Variants in BOK observed in about 807,000 individuals in gnomAD.
The protein encoded by BOK is bcl-2-related ovarian killer protein.
In BOK, 20 loss-of-function variants were observed where a neutral mutation model predicts 18.3. The ratio of observed to expected loss-of-function variants is 1.09; its 90% CI spans 0.77 to 1.59. The LOEUF is 1.59. Among genes scored for constraint, BOK ranks in the 40% most tolerant of loss-of-function variants. BOK has a pLI of 0.00. For synonymous variants in BOK, 173 were observed against 142.4 expected, an observed-to-expected ratio of 1.21 and a Z score of -1.53; for missense variants, 348 against 307.9, an observed-to-expected ratio of 1.13 and a Z score of -0.97.
At chr2:241,571,386 G>A (rs1375984367) in intron 4 of BOK, among the ~76,000 whole-genome samples, 2 of 148,236 alleles carry the variant, frequency 1.3e-5, no homozygotes, top group African/African-American at 2.4e-5. Context: ...CTGTACAGCG[G>A]GTGTTGGCCT....
intron 1 of BOK, among the ~76,000 whole-genome samples, chr2:241,552,809 C>T (rs539534478): frequency 1.7e-4 from 26 of 152,354 alleles, no homozygotes; most frequent in African/African-American, 6.0e-4. Flanking sequence ...TGGGAAGAAG[C>T]CATGGCTCCG....
At chr2:241,565,906 A>T in intron 3 of BOK, among the ~76,000 whole-genome samples, 1 of 152,284 alleles carries the variant, frequency 6.6e-6, no homozygotes, top group South Asian at 2.1e-4. Flanking sequence ...AATAGTGTTT[A>T]TTTTTTTCTT....
At chr2:241,568,211 C>T (rs2066646042) in intron 3 of BOK, among the ~76,000 whole-genome samples, 1 of 152,200 alleles carries the variant, frequency 6.6e-6, no homozygotes, top group Admixed American at 6.5e-5. Context: ...AGCTCCGCCT[C>T]CTGGGTTCAC....
At chr2:241,571,067 C>T (rs1348538767) in intron 4 of BOK, among the ~76,000 whole-genome samples, 1 of 150,852 alleles carries the variant, frequency 6.6e-6, no homozygotes, top group Non-Finnish European at 1.5e-5. Flanking sequence ...GTCACCTGAG[C>T]ACTCCTGGGG....
upstream of BOK, among the ~76,000 whole-genome samples, chr2:241,557,057 G>T (rs2066458262): frequency 6.6e-6 from 1 of 152,060 alleles, no homozygotes; most frequent in Non-Finnish European, 1.5e-5. Flanking sequence ...TATCTACAGT[G>T]ATGTCCTCTT....
rs1330809239 is a variant in BOK at position 241,568,686 on chromosome 2, G to A, written c.350-1439G>A. Among the ~76,000 whole-genome samples the A allele has an allele frequency of 5.9e-5, 9 of 152,322 alleles. No homozygotes were observed. The East Asian group carries it at 1.7e-3, about 29-fold the overall frequency. On this transcript the variant is annotated intron_variant, in intron 3 of 4. Transcript: ENST00000318407. ...GCCCACCTCGGCCTTCCAAGGTGCT[G>A]GGATTATAGGCGTGAGCCACTGTGC... is the stretch of plus-strand genomic sequence containing the variant.
rs143892821 is a variant in BOK, at chr2:241,563,377, G to A, written c.349+901G>A. 4.9e-3 allele frequency among the ~76,000 whole-genome samples: 745 copies of A among 152,314 alleles called. 4 individuals are homozygous for A. Among genetic ancestry groups the A allele is most frequent in the Non-Finnish European group, 6.8e-3 (462 of 68,024 alleles). ...ACCTTGGGTCCTGTCCTGGCACCCC[G>A]TGCTATGAGCTGCCCCTGGGTGTGG... On this transcript the variant is annotated intron_variant, in intron 3 of 4. Transcript: ENST00000318407.
At chr2:241,559,190 T>C (rs2066484357) in intron 1 of BOK, among the ~76,000 whole-genome samples, 197 bp downstream of exon 1, 1 of 151,528 alleles carries the variant, frequency 6.6e-6, no homozygotes, top group Admixed American at 6.6e-5. Flanking sequence ...CGCACTCGTC[T>C]TCGAGGGCGG....
At chr2:241,555,378 A>ATT (rs11382322), upstream of BOK, among the ~76,000 whole-genome samples, 18,450 of 139,000 alleles carry the variant, frequency 0.13, 1,335 homozygotes, top group South Asian at 0.19. Flanking sequence ...CACTGAGGTC[A>ATT]TTTTTTTTTT....
At position 241,562,495 on chromosome 2, in the gene BOK, T is replaced by A; in HGVS notation, c.349+19T>A. The A allele has an allele frequency of 6.3e-7, 1 of 1,598,244 alleles. No individual in the cohort carries two copies. The highest frequency in any genetic ancestry group is 8.5e-7 in the Non-Finnish European group (1 of 1,173,744). The stretch of plus-strand genomic sequence containing the variant: ...TCTGCAGGTATGCCCAGCCTGCCCG[T>A]CCCATGGGACCTCAGGGAGGGATCC... On this transcript the variant is annotated intron_variant, in intron 3 of 4. Coordinates refer to ENST00000318407, the MANE Select transcript of BOK (RefSeq NM_032515.5). The surrounding 1 kb of genome is among the most constrained non-coding windows in gnomAD (Gnocchi z 4.5).
upstream of BOK, among the ~76,000 whole-genome samples, chr2:241,558,252 A>C (rs2066470644): frequency 6.6e-6 from 1 of 152,348 alleles, no homozygotes; most frequent in African/African-American, 2.4e-5. Flanking sequence ...ATAGATCTAA[A>C]TATGAGCCCT....
chr2:241,562,298 C>T lies in BOK; in HGVS notation c.221-50C>T, dbSNP rs1433571463. 1.9e-6 allele frequency: 3 copies of T among 1,546,070 alleles called. No homozygotes were observed. The highest frequency in any genetic ancestry group is 2.6e-6 in the Non-Finnish European group (3 of 1,146,470). ...GGTGTGCCCCAAGCCAGTCGTGTCC[C>T]AGGAAGCTGGGACGTGGGCTGCCTC... is the stretch of plus-strand genomic sequence containing the variant. On this transcript the variant is annotated intron_variant, in intron 2 of 4. Coordinates refer to ENST00000318407, the MANE Select transcript of BOK (RefSeq NM_032515.5). The surrounding 1 kb of genome is among the most constrained non-coding windows in gnomAD (Gnocchi z 4.5).
At chr2:241,552,940 C>A (rs1039946617) in intron 1 of BOK, among the ~76,000 whole-genome samples, 2 of 152,174 alleles carry the variant, frequency 1.3e-5, no homozygotes, top group Non-Finnish European at 2.9e-5. Flanking sequence ...AGATTCCGGG[C>A]GGCTCGCCAC....
upstream of BOK, among the ~76,000 whole-genome samples, chr2:241,555,402 G>A (rs1268229588): frequency 6.9e-6 from 1 of 145,108 alleles, no homozygotes; most frequent in East Asian, 2.0e-4. Flanking sequence ...TTGAGACAAA[G>A]TCTCGTTCTG....
chr2:241,554,476 C>G (rs2066436685), upstream of BOK, among the ~76,000 whole-genome samples: 1 of 152,176 alleles, frequency 6.6e-6, no homozygotes, highest in South Asian at 2.1e-4. Flanking sequence ...TCCACAGGAG[C>G]TGATGGGGGC....
At chr2:241,570,406 C>T (rs1217536232) in intron 4 of BOK, 118 bp downstream of exon 4, 7 of 589,660 alleles carry the variant, frequency 1.2e-5, no homozygotes, top group African/African-American at 7.7e-5. Flanking sequence ...AGCTGGGGTG[C>T]GAGGGTACAG....
intron 3 of BOK, among the ~76,000 whole-genome samples, chr2:241,564,465 G>T (rs568320494): frequency 1.3e-5 from 2 of 152,260 alleles, no homozygotes; most frequent in East Asian, 3.9e-4. Context: ...AGGGTGGGGG[G>T]CCGGGCCCAG....
Position 241,562,532 on chromosome 2 carries a change from C to T in BOK, c.349+56C>T. 6.4e-7 allele frequency: 1 copy of T among 1,552,010 alleles called. No individual in the cohort carries two copies. The highest frequency in any genetic ancestry group is 8.7e-7 in the Non-Finnish European group (1 of 1,152,594). ...TCAGGGAGGGATCCAGGGTCTGTGG[C>T]TCAGGCTCACAGGGACCCCACGAGC... On this transcript the variant is annotated intron_variant, in intron 3 of 4. Coordinates refer to ENST00000318407, the MANE Select transcript of BOK (RefSeq NM_032515.5). This position sits in a 1 kb window ranked among gnomAD's most constrained non-coding sequence, Gnocchi z 4.5.
Position 241,572,439 on chromosome 2 carries a change from TG to T in BOK, c.*19del. The T allele has an allele frequency of 6.3e-7, 1 of 1,591,436 alleles. No individual in the cohort carries two copies. The highest frequency in any genetic ancestry group is 8.5e-7 in the Non-Finnish European group (1 of 1,176,086). ...GAGAGATGAGCTGCCCACCTGGCAG[TG>T]GCCGCAGCCTGGCCCTCTGGGCCCA... is the stretch of plus-strand genomic sequence containing the variant. On this transcript the variant is annotated 3_prime_UTR_variant, in exon 5 of 5. Coordinates refer to ENST00000318407, the MANE Select transcript of BOK (RefSeq NM_032515.5).
Sources: gnomAD v4.1 joint callset for allele counts (sites outside exome capture counted in the v4.1 genomes callset) on GRCh38, gnomAD v4.1.1 for gene constraint, Gnocchi (gnomAD v3.1) non-coding constraint, MANE v1.5 for transcripts, NCBI Gene and HGNC (gene_info 2026-07-23, HGNC 2026-07-21) for gene names.